Variants in CNTN4 observed in about 807,000 individuals in gnomAD.
CNTN4 encodes contactin 4, also known as contactin-4.
In CNTN4, 77 loss-of-function variants were observed where a neutral mutation model predicts 122.5. The ratio of observed to expected loss-of-function variants is 0.63; its 90% CI spans 0.52 to 0.76. CNTN4 has a LOEUF of 0.76. Ranked by LOEUF, CNTN4 falls within the 30% of genes least tolerant of loss-of-function variation. The pLI is 0.00. For missense variants in CNTN4, 1,256 were observed against 1,259.1 expected (o/e 1.00, Z 0.04); for synonymous variants, 512 against 447.0 (o/e 1.15, Z -1.83).
chr3:2,120,743 G>A (rs575604463), intron 2 of CNTN4, among the ~76,000 whole-genome samples: 1 of 152,132 alleles, frequency 6.6e-6, no homozygotes, highest in South Asian at 2.1e-4. Flanking sequence ...TCTCACGAGT[G>A]TGGACTGCTA....
At chr3:2,867,608 G>T in intron 8 of CNTN4, among the ~76,000 whole-genome samples, 1 of 151,958 alleles carries the variant, frequency 6.6e-6, no homozygotes, top group East Asian at 1.9e-4. Context: ...CCCTCTTCTT[G>T]AAATGCTCCT....
At chr3:2,934,729 G>A (rs535147775) in intron 13 of CNTN4, among the ~76,000 whole-genome samples, 51 of 152,300 alleles carry the variant, frequency 3.3e-4, no homozygotes, top group Admixed American at 2.2e-3. Context: ...CTGCCCTGGG[G>A]AACAATTATG....
intron 2 of CNTN4, among the ~76,000 whole-genome samples, chr3:2,125,330 C>CTGTGTGTGTGTGTGTGTGTG (rs397721422): frequency 9.1e-5 from 13 of 143,364 alleles, no homozygotes; most frequent in Admixed American, 2.8e-4. Flanking sequence ...ATTCTATTCT[C>CTGTGTGTGTGTGTGTGTGTG]TGTGTGTGTG....
At chr3:2,640,818 C>T (rs1459317810) in intron 4 of CNTN4, among the ~76,000 whole-genome samples, 2 of 152,162 alleles carry the variant, frequency 1.3e-5, no homozygotes, top group Admixed American at 6.5e-5. Context: ...ACCAGAGAGT[C>T]CCTTCTAACA....
intron 12 of CNTN4, among the ~76,000 whole-genome samples, chr3:2,920,264 T>G (rs2094414934): frequency 8.2e-6 from 1 of 121,518 alleles, no homozygotes; most frequent in African/African-American, 3.1e-5. Flanking sequence ...ACTATAGTAA[T>G]GGGAAGAGGT....
intron 3 of CNTN4, among the ~76,000 whole-genome samples, chr3:2,567,290 G>A (rs2079211860): frequency 6.6e-6 from 1 of 152,036 alleles, no homozygotes; most frequent in South Asian, 2.1e-4. Flanking sequence ...GTTTTGCCGT[G>A]TTAGCCAGGA....
At chr3:2,304,990 G>GAAT (rs961709443) in intron 2 of CNTN4, among the ~76,000 whole-genome samples, 3 of 151,706 alleles carry the variant, frequency 2.0e-5, no homozygotes, top group Non-Finnish European at 4.4e-5. Flanking sequence ...AAAATGATTA[G>GAAT]AATAATAATA....
intron 4 of CNTN4, among the ~76,000 whole-genome samples, chr3:2,606,721 T>TCC (rs1015953546): frequency 6.6e-5 from 10 of 152,316 alleles, no homozygotes; most frequent in African/African-American, 2.4e-4. Context: ...AATGAAATGA[T>TCC]CCACAGAAGA....
chr3:2,188,119 A>AT (rs143050897), intron 2 of CNTN4, among the ~76,000 whole-genome samples: 3,777 of 152,148 alleles, frequency 0.025, 151 homozygotes, highest in African/African-American at 0.087. Context: ...CCCTTCCCCA[A>AT]TCATTCCCTA....
intron 6 of CNTN4, among the ~76,000 whole-genome samples, chr3:2,805,044 G>A (rs1040808671): frequency 2.0e-5 from 3 of 152,122 alleles, no homozygotes; most frequent in African/African-American, 7.2e-5. Context: ...GGGCATGGTG[G>A]CAGGAGCTTG....
intron 3 of CNTN4, among the ~76,000 whole-genome samples, chr3:2,466,708 G>T (rs562476584): frequency 2.6e-5 from 4 of 152,144 alleles, no homozygotes; most frequent in Non-Finnish European, 5.9e-5. Flanking sequence ...GATGAAGCTG[G>T]ATTGTTTTGA....
intron 4 of CNTN4, among the ~76,000 whole-genome samples, chr3:2,574,586 C>T (rs1485626149): frequency 1.3e-5 from 2 of 152,102 alleles, no homozygotes; most frequent in Non-Finnish European, 2.9e-5. Flanking sequence ...ACTATTGATG[C>T]CAGTAATCTA....
chr3:2,720,304 C>G (rs997348132), intron 4 of CNTN4, among the ~76,000 whole-genome samples: 1 of 152,090 alleles, frequency 6.6e-6, no homozygotes, highest in Non-Finnish European at 1.5e-5. Flanking sequence ...CTTTTATACC[C>G]TATTAAATGC....
At chr3:2,169,415 T>A (rs2036342273) in intron 2 of CNTN4, among the ~76,000 whole-genome samples, 1 of 150,870 alleles carries the variant, frequency 6.6e-6, no homozygotes, top group Non-Finnish European at 1.5e-5. Context: ...AAAATAAACT[T>A]TTTTTTTTTG....
intron 3 of CNTN4, among the ~76,000 whole-genome samples, chr3:2,433,156 C>A (rs1461702728): frequency 6.6e-6 from 1 of 152,030 alleles, no homozygotes; most frequent in Non-Finnish European, 1.5e-5. Context: ...GGACATATAC[C>A]CAGAAGTGAA....
chr3:3,030,829 G>T, intron 15 of CNTN4, 26 bp from the exon 16 acceptor site: 1 of 1,613,324 alleles, frequency 6.2e-7, no homozygotes, highest in Non-Finnish European at 8.5e-7. Flanking sequence ...AAAAGTAATT[G>T]CAGCCACTTT....
intron 2 of CNTN4, among the ~76,000 whole-genome samples, chr3:2,133,543 G>A (rs957728525): frequency 6.6e-6 from 1 of 152,130 alleles, no homozygotes; most frequent in Non-Finnish European, 1.5e-5. Context: ...CTTTTTGAAA[G>A]CTTTTCTTTT....
In CNTN4 at chr3:2,122,016, C is replaced by CGTG. The variant is rs202019840; in HGVS notation, c.-145+21382_-145+21384dup. Among the ~76,000 whole-genome samples the CGTG allele has an allele frequency of 5.3e-4, 72 of 134,994 alleles. 2 individuals carry two copies. The East Asian group carries it at 0.016, about 29-fold the overall frequency. 88.6% of individuals were successfully genotyped at this position (134,994 alleles called of 152,430 possible). ...AAAAAATACAAAAAAATTAGCCGGG[C>CGTG]GTGGTGGCGGCGCCTGTAGTCCCAG... On this transcript the variant is annotated intron_variant, in intron 2 of 24. Transcript: ENST00000418658.
At chr3:2,623,793 C>G (rs907201732) in intron 4 of CNTN4, among the ~76,000 whole-genome samples, 2 of 152,054 alleles carry the variant, frequency 1.3e-5, no homozygotes, top group Non-Finnish European at 2.9e-5. Context: ...CAGAGTGTCC[C>G]CTGACTAGGA....
Sources: gnomAD v4.1 joint callset for allele counts (sites outside exome capture counted in the v4.1 genomes callset) on GRCh38, gnomAD v4.1.1 for gene constraint, MANE v1.5 for transcripts, NCBI Gene and HGNC (gene_info 2026-07-23, HGNC 2026-07-21) for gene names.